Variants in CDH10 observed in about 807,000 individuals in gnomAD.
CDH10 encodes the protein cadherin 10.
A neutral mutation model predicts 73.1 loss-of-function variants in CDH10; 30 were observed. The observed-to-expected ratio is 0.41, with a 90% CI of 0.31 to 0.56. The LOEUF (loss-of-function observed/expected upper bound fraction) is 0.56. Among genes scored for constraint, CDH10 ranks in the 20% least tolerant of loss-of-function variants. CDH10 has a pLI of 0.27. For missense variants in CDH10, 815 were observed against 973.7 expected (o/e 0.84, Z 2.17); for synonymous variants, 345 against 348.2 (o/e 0.99, Z 0.10).
chr5:24,622,639 C>T (rs561984936), intron 1 of CDH10, among the ~76,000 whole-genome samples: 1 of 152,218 alleles, frequency 6.6e-6, no homozygotes, highest in Non-Finnish European at 1.5e-5. Flanking sequence ...GACTCTAACT[C>T]CTCTTCAGGT....
Position 24,487,554 on chromosome 5 carries a change from A to C in CDH10, c.*109T>G. On this transcript the variant is annotated 3_prime_UTR_variant, in exon 12 of 12. Transcript: ENST00000264463. ...ACAAATTAAGAAGTAAATGAGAAAA[A>C]AAATTGTGCTGACTGGCAGGAAAAT... is the stretch of plus-strand genomic sequence containing the variant. 9.3e-7 allele frequency: 1 copy of C among 1,069,864 alleles called. No homozygotes were observed. The allele number at this position is 1,069,864 out of a possible 1,614,324, so 66.3% of individuals were successfully genotyped here. A position where few individuals can be genotyped will look rare whatever the true frequency, so the allele number is the denominator to read the frequency against.
At chr5:24,517,254 A>G (rs1369589747) in intron 5 of CDH10, among the ~76,000 whole-genome samples, 1 of 152,160 alleles carries the variant, frequency 6.6e-6, no homozygotes, top group East Asian at 1.9e-4. Flanking sequence ...TTGTTTAATC[A>G]TTATTGCTCA....
intron 2 of CDH10, among the ~76,000 whole-genome samples, chr5:24,558,605 T>C (rs1192782155): frequency 1.3e-5 from 2 of 151,694 alleles, no homozygotes; most frequent in Non-Finnish European, 3.0e-5. Context: ...TACTTGAAGA[T>C]ATAATAAAAT....
chr5:24,544,661 C>A (rs185453913), intron 2 of CDH10, among the ~76,000 whole-genome samples: 1 of 152,096 alleles, frequency 6.6e-6, no homozygotes, highest in Non-Finnish European at 1.5e-5. Flanking sequence ...GTGCTTGTGG[C>A]CACTTCTGAC....
At chr5:24,638,779 G>A (rs142371181) in intron 1 of CDH10, among the ~76,000 whole-genome samples, 1 of 151,738 alleles carries the variant, frequency 6.6e-6, no homozygotes, top group Middle Eastern at 3.2e-3. Flanking sequence ...ATATATTATA[G>A]TTGACTAAGC....
At chr5:24,619,295 G>A (rs924193554) in intron 1 of CDH10, among the ~76,000 whole-genome samples, 2 of 152,096 alleles carry the variant, frequency 1.3e-5, no homozygotes, top group East Asian at 1.9e-4. Context: ...CCGGGTTCAC[G>A]CCATTCTCCT....
At chr5:24,598,556 G>A (rs1579457877) in intron 1 of CDH10, among the ~76,000 whole-genome samples, 1 of 150,758 alleles carries the variant, frequency 6.6e-6, no homozygotes. Context: ...AAAAAAAGGT[G>A]GACCATTTTA....
intron 5 of CDH10, among the ~76,000 whole-genome samples, chr5:24,518,925 C>T (rs1013530142): frequency 1.2e-4 from 15 of 122,086 alleles, no homozygotes; most frequent in Non-Finnish European, 1.8e-4. Flanking sequence ...GAGTCTTGCT[C>T]GGTCACCCAG....
chr5:24,572,264 C>T (rs961405309), intron 2 of CDH10, among the ~76,000 whole-genome samples: 2 of 152,106 alleles, frequency 1.3e-5, no homozygotes, highest in African/African-American at 4.8e-5. Flanking sequence ...TGAACCATGC[C>T]TTTCAACTTC....
chr5:24,524,620 T>C (rs576329001), intron 5 of CDH10, among the ~76,000 whole-genome samples: 1 of 152,258 alleles, frequency 6.6e-6, no homozygotes, highest in South Asian at 2.1e-4. Context: ...TTTTAATGTT[T>C]AGGCAGATAA....
At chr5:24,517,628 A>T (rs1166196615) in intron 5 of CDH10, among the ~76,000 whole-genome samples, 1 of 152,174 alleles carries the variant, frequency 6.6e-6, no homozygotes, top group African/African-American at 2.4e-5. Flanking sequence ...TCTTAGTGAC[A>T]AACAATTAAT....
chr5:24,545,959 C>G (rs1282659597), intron 2 of CDH10, among the ~76,000 whole-genome samples: 1 of 152,062 alleles, frequency 6.6e-6, no homozygotes, highest in Non-Finnish European at 1.5e-5. Context: ...TGCCTCTAAG[C>G]CTTCTAAAGG....
intron 1 of CDH10, among the ~76,000 whole-genome samples, chr5:24,629,278 C>A (rs1324676885): frequency 6.6e-6 from 1 of 152,068 alleles, no homozygotes; most frequent in African/African-American, 2.4e-5. Flanking sequence ...GATATAAAAA[C>A]ATCTCAGTAT....
At chr5:24,559,404 T>G (rs1744876987) in intron 2 of CDH10, among the ~76,000 whole-genome samples, 1 of 152,022 alleles carries the variant, frequency 6.6e-6, no homozygotes, top group South Asian at 2.1e-4. Flanking sequence ...AAATTATCTT[T>G]TTAATCCAAC....
intron 1 of CDH10, among the ~76,000 whole-genome samples, chr5:24,607,458 G>A (rs955439555): frequency 9.2e-5 from 14 of 152,112 alleles, no homozygotes; most frequent in Admixed American, 6.6e-4. Flanking sequence ...AAAAACCACC[G>A]TCAGGTGTCT....
intron 5 of CDH10, among the ~76,000 whole-genome samples, chr5:24,512,997 T>C (rs548677067): frequency 2.4e-5 from 1 of 41,118 alleles, no homozygotes; most frequent in African/African-American, 8.2e-5. Flanking sequence ...TTTCTCTCTT[T>C]CTTTTCTTTT....
In CDH10 at chr5:24,517,426, C is replaced by T. The variant is rs376533109; in HGVS notation, c.815-5912G>A. Among the ~76,000 whole-genome samples the T allele has an allele frequency of 8.5e-5, 13 of 152,164 alleles. No individual in the cohort carries two copies. The South Asian group carries it at 2.7e-3, about 32-fold the overall frequency. On this transcript the variant is annotated intron_variant, in intron 5 of 11. Transcript: ENST00000264463. Reference sequence around the variant, plus strand: ...AGGGAAAGTGGGAATAGGATTTCTTCTTGAGAACAAAATTAAGTGAGATAT... The same window carrying T: ...AGGGAAAGTGGGAATAGGATTTCTTTTTGAGAACAAAATTAAGTGAGATAT...
At chr5:24,574,058 C>T (rs13184120) in intron 2 of CDH10, among the ~76,000 whole-genome samples, 58,029 of 150,862 alleles carry the variant, frequency 0.38, 13,588 homozygotes, top group East Asian at 0.54. Context: ...CTAATTTTTT[C>T]GTATTTTTAG....
chr5:24,625,886 T>C lies in CDH10; in HGVS notation c.-124+18708A>G, dbSNP rs367729341. Among the ~76,000 whole-genome samples, 29 of 152,050 alleles carry C rather than the reference T, an allele frequency of 1.9e-4. No homozygotes were observed. The East Asian group carries it at 4.5e-3, about 23-fold the overall frequency. On this transcript the variant is annotated intron_variant, in intron 1 of 11. Transcript: ENST00000264463. ...ATATATTACTCTCATATAGTAATCA[T>C]GATCTGAAAAAATTTTACTATCCTT...
Sources: allele counts gnomAD v4.1 joint callset (sites outside exome capture counted in the v4.1 genomes callset), GRCh38; gene constraint gnomAD v4.1.1; transcripts MANE v1.5; gene names NCBI Gene and HGNC (gene_info 2026-07-23, HGNC 2026-07-21).